Variants in NFAT5 observed in about 807,000 individuals in gnomAD.
The protein encoded by NFAT5 is nuclear factor of activated T cells 5, also known as nuclear factor of activated T-cells 5.
A neutral mutation model predicts 166.5 loss-of-function variants in NFAT5; 31 were observed. The ratio of observed to expected loss-of-function variants is 0.19; its 90% confidence interval spans 0.14 to 0.25. The LOEUF is 0.25. NFAT5 is among the 10% of genes least tolerant of loss of function. The pLI, the probability that NFAT5 is intolerant of heterozygous loss-of-function variation, is 1.00. For missense variants in NFAT5, 1,449 were observed against 1,821.8 expected, an observed-to-expected ratio of 0.80 and a Z score of 3.72; for synonymous variants, 612 against 639.7, an observed-to-expected ratio of 0.96 and a Z score of 0.65.
chr16:69,592,933 G>A (rs1443064646), intron 2 of NFAT5, among the ~76,000 whole-genome samples: 1 of 152,154 alleles, frequency 6.6e-6, no homozygotes, highest in Non-Finnish European at 1.5e-5. Flanking sequence ...TCCTGTCTGG[G>A]TGCTTTAGGA....
At chr16:69,662,318 T>C (rs1050506878) in intron 7 of NFAT5, among the ~76,000 whole-genome samples, 2 of 152,156 alleles carry the variant, frequency 1.3e-5, no homozygotes, top group Non-Finnish European at 2.9e-5. Flanking sequence ...GAGGGATTCA[T>C]GTATAAATAT....
At chr16:69,688,602 C>T (rs2037424708) in intron 11 of NFAT5, among the ~76,000 whole-genome samples, 1 of 152,038 alleles carries the variant, frequency 6.6e-6, no homozygotes, top group Non-Finnish European at 1.5e-5. Context: ...CTCCTGACCT[C>T]GTGGTCCACC....
intron 2 of NFAT5, among the ~76,000 whole-genome samples, chr16:69,620,500 A>G (rs2034150113): frequency 6.6e-6 from 1 of 152,198 alleles, no homozygotes; most frequent in African/African-American, 2.4e-5. Flanking sequence ...TTGGAAGGCC[A>G]AGGCAGGAGG....
chr16:69,590,228 G>C (rs988527903), intron 2 of NFAT5, among the ~76,000 whole-genome samples: 9 of 152,230 alleles, frequency 5.9e-5, no homozygotes, highest in African/African-American at 1.9e-4. Flanking sequence ...GGTCGTCTGA[G>C]TACAGACGTT....
rs915995168 is a variant in NFAT5, at chr16:69,689,368, G to T, written c.1775-1572G>T. Among the ~76,000 whole-genome samples the T allele has an allele frequency of 2.6e-5, 4 of 152,186 alleles. No individual in the cohort carries two copies. The East Asian group carries it at 7.7e-4, about 29-fold the overall frequency. On this transcript the variant is annotated intron_variant, in intron 11 of 14. Transcript: ENST00000349945. The stretch of plus-strand genomic sequence containing the variant: ...AGGTCCAAAGAACTCATGAATAAAT[G>T]ATTCATTTCTCAAACTACTTAGGTA...
intron 2 of NFAT5, among the ~76,000 whole-genome samples, chr16:69,622,263 G>A (rs908496590): frequency 6.6e-6 from 1 of 152,194 alleles, no homozygotes; most frequent in African/African-American, 2.4e-5. Context: ...GTTATTTAAA[G>A]TAGCAGAACC....
chr16:69,691,999 A>G lies in NFAT5; in HGVS notation c.2174A>G (p.Gln725Arg). Residue 725 changes from glutamine (Q) to arginine (R), a missense_variant, in exon 13 of 15, where the codon CAG (glutamine) becomes CGG (arginine). Coordinates refer to ENST00000349945, the MANE Select transcript of NFAT5 (RefSeq NM_138713.4). ...CCCAACAGCGATGCACTATTGCAGC[A>G]GGCTACACAGTTTCAGACAAGAGAA... is the stretch of plus-strand genomic sequence containing the variant. ...QLPNSDALLQ[Q>R]ATQFQTRETQ... 6.2e-7 allele frequency: 1 copy of G among 1,614,218 alleles called. No individual in the cohort carries two copies.
At position 69,566,356 on chromosome 16, in the gene NFAT5, A is replaced by G. The variant is rs1260702912; in HGVS notation, c.55A>G (p.Lys19Glu). 1 of 1,607,190 alleles carries G rather than the reference A, an allele frequency of 6.2e-7. No individual in the cohort carries two copies. The highest frequency in any genetic ancestry group is 8.5e-7 in the Non-Finnish European group (1 of 1,177,818). Residue 19 changes from lysine (K) to glutamate (E), a missense_variant, in exon 1 of 15, where the codon AAG (lysine) becomes GAG (glutamate). Physicochemically the swap from Lys to Glu is moderately conservative, Grantham distance 56 (BLOSUM62 1). Transcript: ENST00000349945. This position sits in a 1 kb window ranked among gnomAD's most constrained non-coding sequence, Gnocchi z 5.7. ...LSADLDLESPKSLYSRDSLKL... is the reference protein window; with the variant it reads ...LSADLDLESPESLYSRDSLKL... ...CGCGGACCTAGACCTGGAATCGCCCAAGTCCCTCTACTCGCGAGGTGAGTC... is the reference window on the plus strand; with the variant it reads ...CGCGGACCTAGACCTGGAATCGCCCGAGTCCCTCTACTCGCGAGGTGAGTC...
chr16:69,589,753 G>A lies in NFAT5; in HGVS notation c.127+21205G>A, dbSNP rs190925165. ...ATCCTCATTTTTTTGCTAAGAAACA[G>A]GAAGTTATTTTTCTTGAAATATAAG... On this transcript the variant is annotated intron_variant, in intron 2 of 14. Coordinates refer to ENST00000349945, the MANE Select transcript of NFAT5 (RefSeq NM_138713.4). Among the ~76,000 whole-genome samples the A allele has an allele frequency of 2.0e-3, 307 of 152,164 alleles. 3 individuals carry two copies. Among genetic ancestry groups the A allele is most frequent in the African/African-American group, 7.3e-3 (301 of 41,508 alleles).
chr16:69,587,648 T>A (rs1414620740), intron 2 of NFAT5, among the ~76,000 whole-genome samples: 1 of 152,046 alleles, frequency 6.6e-6, no homozygotes, highest in Non-Finnish European at 1.5e-5. Context: ...CTCCGGCTCC[T>A]AAAGTGTTGG....
intron 2 of NFAT5, among the ~76,000 whole-genome samples, chr16:69,600,437 G>A (rs1206495130): frequency 2.0e-5 from 3 of 152,054 alleles, no homozygotes; most frequent in Non-Finnish European, 4.4e-5. Flanking sequence ...GTGAGGGGAA[G>A]GAGAGAGTGG....
In NFAT5 at chr16:69,647,682, G is replaced by C. The variant is rs2035496674; in HGVS notation, c.812+96G>C. The C allele has an allele frequency of 8.8e-7, 1 of 1,133,302 alleles. No homozygotes were observed. Among genetic ancestry groups the C allele is most frequent in the African/African-American group, 1.6e-5 (1 of 63,960 alleles). The allele number at this position is 1,133,302 out of a possible 1,614,324, so 70.2% of individuals were successfully genotyped here. On this transcript the variant is annotated intron_variant, in intron 4 of 14. Coordinates refer to ENST00000349945, the MANE Select transcript of NFAT5 (RefSeq NM_138713.4). This position sits in a 1 kb window ranked among gnomAD's most constrained non-coding sequence, Gnocchi z 4.8. ...TTTCCTAATTGCTGAGCTCAAGTTTGCATATAAAGCAACAGTGCTAATTTT... is the reference window on the plus strand; with the variant it reads ...TTTCCTAATTGCTGAGCTCAAGTTTCCATATAAAGCAACAGTGCTAATTTT...
At chr16:69,646,464 C>T in intron 3 of NFAT5, 1 of 757,372 alleles carries the variant, frequency 1.3e-6, no homozygotes, top group South Asian at 1.8e-5. Flanking sequence ...TAATTGATAT[C>T]TGGAATAATC....
Position 69,653,209 on chromosome 16 carries a change from T to C in NFAT5, c.813-27T>C, listed in dbSNP as rs562680531. On this transcript the variant is annotated intron_variant, in intron 4 of 14. Transcript: ENST00000349945. ...TATCAAAAAACTCTTTTTGATACTT[T>C]CTCCATGTTGTGCTTTGATTTCTCA... The C allele has an allele frequency of 1.0e-5, 15 of 1,488,440 alleles. No homozygotes were observed. The African/African-American group carries it at 1.2e-4, about 12-fold the overall frequency. 92.2% of individuals were successfully genotyped at this position (1,488,440 alleles called of 1,614,324 possible). A position where few individuals can be genotyped will look rare whatever the true frequency, so the allele number is the denominator to read the frequency against.
intron 2 of NFAT5, among the ~76,000 whole-genome samples, chr16:69,622,118 C>T (rs183557044): frequency 2.6e-4 from 40 of 152,180 alleles, no homozygotes; most frequent in Admixed American, 4.6e-4. Flanking sequence ...TTTAATCTTT[C>T]GGTATCCCAT....
At chr16:69,629,161 G>A (rs941130736) in intron 3 of NFAT5, among the ~76,000 whole-genome samples, 1 of 152,190 alleles carries the variant, frequency 6.6e-6, no homozygotes, top group African/African-American at 2.4e-5. Flanking sequence ...GAGCCGGATT[G>A]GCTGCTCTCA....
At chr16:69,570,806 T>C (rs2016384110) in intron 2 of NFAT5, among the ~76,000 whole-genome samples, 1 of 152,116 alleles carries the variant, frequency 6.6e-6, no homozygotes, top group South Asian at 2.1e-4. Context: ...TGCTCTGACA[T>C]TTACTTGTAT....
At chr16:69,673,887 T>C (rs1024555407) in intron 9 of NFAT5, among the ~76,000 whole-genome samples, 3 of 152,212 alleles carry the variant, frequency 2.0e-5, no homozygotes, top group African/African-American at 7.2e-5. Flanking sequence ...TTGTGAAAGA[T>C]TGTAATAGCT....
chr16:69,576,175 G>A (rs1212332492), intron 2 of NFAT5, among the ~76,000 whole-genome samples: 4 of 151,696 alleles, frequency 2.6e-5, no homozygotes, highest in East Asian at 3.9e-4. Context: ...CGTGGTGGGC[G>A]GGCACCTGTA....
Sources: allele counts gnomAD v4.1 joint callset (sites outside exome capture counted in the v4.1 genomes callset), GRCh38; gene constraint gnomAD v4.1.1; non-coding constraint Gnocchi (gnomAD v3.1); transcripts MANE v1.5; gene names NCBI Gene and HGNC (gene_info 2026-07-23, HGNC 2026-07-21).